Variants in CACNA1C observed in about 807,000 individuals in gnomAD.
CACNA1C encodes the protein voltage-dependent L-type calcium channel subunit alpha-1C.
In CACNA1C, 30 loss-of-function variants were observed where a neutral mutation model predicts 229.0. The observed-to-expected ratio is 0.13, with a 90% confidence interval of 0.10 to 0.18. CACNA1C has a LOEUF of 0.18. Ranked by LOEUF, CACNA1C falls within the 10% of genes least tolerant of loss-of-function variation. The probability of loss-of-function intolerance (pLI) is 1.00; values close to 1 mark genes in which losing one functional copy is unlikely to be tolerated. For missense variants in CACNA1C, 1,658 were observed against 2,845.0 expected, an observed-to-expected ratio of 0.58 and a Z score of 9.49; for synonymous variants, 1,114 against 1,132.5, an observed-to-expected ratio of 0.98 and a Z score of 0.33.
At chr12:2,130,385 G>A (rs1423773700) in intron 3 of CACNA1C, among the ~76,000 whole-genome samples, 16 of 140,044 alleles carry the variant, frequency 1.1e-4, no homozygotes, top group Non-Finnish European at 3.1e-5. Context: ...CATGTGCCAT[G>A]CTGGTGCGCT....
chr12:2,683,430 A>G (rs2153822949), intron 43 of CACNA1C, among the ~76,000 whole-genome samples: 1 of 152,320 alleles, frequency 6.6e-6, no homozygotes, highest in South Asian at 2.1e-4. Context: ...TTTGAGACAC[A>G]GTGTTTCCGA....
At chr12:2,004,761 T>C (rs1425479390) in intron 1 of CACNA1C, 1 of 320,750 alleles carries the variant, frequency 3.1e-6, no homozygotes, top group Admixed American at 4.8e-5. Context: ...TTGGATGTGT[T>C]CGACCCCTTG....
At chr12:2,532,321 G>A (rs1029697663) in intron 9 of CACNA1C, among the ~76,000 whole-genome samples, 6 of 152,176 alleles carry the variant, frequency 3.9e-5, no homozygotes, top group South Asian at 4.2e-4. Flanking sequence ...GGATCTCTCT[G>A]TCTCTCTCTG....
chr12:2,679,337 C>A lies in CACNA1C; in HGVS notation c.5092-107C>A. 2 of 818,636 alleles carry A rather than the reference C, an allele frequency of 2.4e-6. No individual in the cohort carries two copies. Among genetic ancestry groups the A allele is most frequent in the Non-Finnish European group, 3.7e-6 (2 of 536,532 alleles). 50.7% of individuals were successfully genotyped at this position (818,636 alleles called of 1,614,324 possible). A position where few individuals can be genotyped will look rare whatever the true frequency, so the allele number is the denominator to read the frequency against. The stretch of plus-strand genomic sequence containing the variant: ...GCTGTGCCTACCCGAAAGAAGGCAG[C>A]CCGCCTTCCCAGGCCCTGCACTTCC... On this transcript the variant is annotated intron_variant, in intron 41 of 46. Coordinates refer to ENST00000399655, the MANE Select transcript of CACNA1C (RefSeq NM_000719.7). The surrounding 1 kb of genome is among the most constrained non-coding windows in gnomAD (Gnocchi z 5.5).
At position 2,692,765 on chromosome 12, in the gene CACNA1C, A is replaced by G. The variant is rs1603474443; in HGVS notation, c.*1566A>G. The G allele has an allele frequency of 6.6e-6, 1 of 152,658 alleles. No homozygotes were observed. Among genetic ancestry groups the G allele is most frequent in the South Asian group, 2.1e-4 (1 of 4,834 alleles). The allele number at this position is 152,658 out of a possible 1,614,324, so 9.5% of individuals were successfully genotyped here. On this transcript the variant is annotated 3_prime_UTR_variant, in exon 47 of 47. Transcript: ENST00000399655. ...CATTGATAATGTTTCTGTTGAAGAAACCGTTATACTTGAATTCAGGTCAGT... is the reference window on the plus strand; with the variant it reads ...CATTGATAATGTTTCTGTTGAAGAAGCCGTTATACTTGAATTCAGGTCAGT...
At chr12:2,518,186 G>A (rs2154580291) in intron 9 of CACNA1C, among the ~76,000 whole-genome samples, 1 of 152,324 alleles carries the variant, frequency 6.6e-6, no homozygotes, top group Non-Finnish European at 1.5e-5. Context: ...ACAGGAAATT[G>A]GAAGGCTTGT....
chr12:2,063,278 A>C (rs2058193389), intron 1 of CACNA1C, among the ~76,000 whole-genome samples: 1 of 151,620 alleles, frequency 6.6e-6, no homozygotes, highest in African/African-American at 2.4e-5. Flanking sequence ...CAGTCTCCTG[A>C]GTAGCTGGGA....
chr12:2,035,646 G>C (rs779149424), intron 1 of CACNA1C, among the ~76,000 whole-genome samples: 25 of 152,228 alleles, frequency 1.6e-4, no homozygotes, highest in Non-Finnish European at 3.2e-4. Context: ...ATTCAAGCTG[G>C]GATCCCCATA....
At chr12:2,232,249 T>TTTTG (rs1269136527) in intron 3 of CACNA1C, among the ~76,000 whole-genome samples, 174 of 132,870 alleles carry the variant, frequency 1.3e-3, no homozygotes, top group Middle Eastern at 7.9e-3. Context: ...TTTTTTTTTT[T>TTTTG]TTTGTTTGTT....
intron 38 of CACNA1C, among the ~76,000 whole-genome samples, chr12:2,671,944 C>G (rs759737835): frequency 7.2e-5 from 11 of 152,182 alleles, no homozygotes; most frequent in Admixed American, 2.0e-4. Context: ...AAGGGTGAGC[C>G]TTCATCAGAC....
intron 9 of CACNA1C, among the ~76,000 whole-genome samples, chr12:2,545,287 A>G (rs755949269): frequency 2.7e-5 from 4 of 150,388 alleles, no homozygotes; most frequent in Non-Finnish European, 5.9e-5. Context: ...TAAGCTTCAA[A>G]TGCCTAACAA....
intron 3 of CACNA1C, among the ~76,000 whole-genome samples, chr12:2,317,845 C>T (rs1251688679): frequency 4.6e-5 from 7 of 152,248 alleles, no homozygotes; most frequent in South Asian, 2.1e-4. Context: ...GAAGAGGAAA[C>T]GGCGCCATCT....
chr12:2,292,163 G>A (rs913747531), intron 3 of CACNA1C, among the ~76,000 whole-genome samples: 1 of 152,246 alleles, frequency 6.6e-6, no homozygotes, highest in Non-Finnish European at 1.5e-5. Context: ...AAGAAACATA[G>A]AACATGACCT....
intron 1 of CACNA1C, among the ~76,000 whole-genome samples, chr12:2,112,661 A>T (rs1425330342): frequency 6.6e-6 from 1 of 152,116 alleles, no homozygotes; most frequent in East Asian, 1.9e-4. Context: ...GCGGGACAGG[A>T]GGCAGCTGAC....
intron 1 of CACNA1C, chr12:1,991,542 G>GT (rs1325292300): frequency 2.5e-5 from 6 of 236,698 alleles, no homozygotes; most frequent in East Asian, 1.2e-4. Context: ...AATAATTGAG[G>GT]TTTTTTCCTT....
At chr12:2,379,803 G>A (rs1034258546) in intron 3 of CACNA1C, among the ~76,000 whole-genome samples, 45 of 151,508 alleles carry the variant, frequency 3.0e-4, no homozygotes, top group Admixed American at 2.2e-3. Context: ...AGGCCGAGGC[G>A]GGCGGATCAC....
rs576331260 is a variant in CACNA1C, at chr12:2,292,375, G to A, written c.478-156601G>A. On this transcript the variant is annotated intron_variant, in intron 3 of 46. Transcript: ENST00000399655. ...GTTCAATTCCATGCACGTTTATTGT[G>A]TCCCATTTTGTATAAACAGAGCACG... is the stretch of plus-strand genomic sequence containing the variant. Among the ~76,000 whole-genome samples the A allele has an allele frequency of 5.4e-4, 82 of 152,290 alleles. 1 individual carries two copies. The highest frequency in any genetic ancestry group is 1.9e-3 in the African/African-American group (81 of 41,560).
At chr12:2,450,278 G>T (rs1312117734) in intron 4 of CACNA1C, among the ~76,000 whole-genome samples, 1 of 152,134 alleles carries the variant, frequency 6.6e-6, no homozygotes, top group Non-Finnish European at 1.5e-5. Flanking sequence ...GGTGAGGTCA[G>T]GCGCGGTGGC....
chr12:2,118,311 C>T (rs1016869746), intron 2 of CACNA1C, among the ~76,000 whole-genome samples: 1 of 152,100 alleles, frequency 6.6e-6, no homozygotes, highest in Non-Finnish European at 1.5e-5. Flanking sequence ...GGGGAGAGCA[C>T]AGGCACCAGC....
Sources: gnomAD v4.1 joint callset for allele counts (sites outside exome capture counted in the v4.1 genomes callset) on GRCh38, gnomAD v4.1.1 for gene constraint, Gnocchi (gnomAD v3.1) non-coding constraint, MANE v1.5 for transcripts, NCBI Gene and HGNC (gene_info 2026-07-23, HGNC 2026-07-21) for gene names.